NTN1: variants seen among roughly 807,000 people sequenced by gnomAD.
The protein encoded by NTN1 is netrin 1, also known as netrin-1.
NTN1 carries 11 observed loss-of-function variants against 54.2 expected under a neutral mutation model. The ratio of observed to expected loss-of-function variants is 0.20; its 90% CI spans 0.13 to 0.34. The LOEUF (loss-of-function observed/expected upper bound fraction) is 0.34, where lower values mean the gene tolerates loss of function less well. Ranked by LOEUF, NTN1 falls within the 10% of genes least tolerant of loss-of-function variation. The probability of loss-of-function intolerance (pLI) is 1.00; values close to 1 mark genes in which losing one functional copy is unlikely to be tolerated. For synonymous variants in NTN1, 371 were observed against 382.0 expected, an observed-to-expected ratio of 0.97 and a Z score of 0.33; for missense variants, 740 against 893.1, an observed-to-expected ratio of 0.83 and a Z score of 2.18.
chr17:9,181,251 C>T (rs939715933), intron 4 of NTN1, among the ~76,000 whole-genome samples: 1 of 152,134 alleles, frequency 6.6e-6, no homozygotes, highest in African/African-American at 2.4e-5. Context: ...CTTGCTCTTC[C>T]CGAGGGAAGA....
At chr17:9,088,755 G>A (rs1453821782) in intron 2 of NTN1, among the ~76,000 whole-genome samples, 3 of 152,090 alleles carry the variant, frequency 2.0e-5, no homozygotes, top group Non-Finnish European at 2.9e-5. Flanking sequence ...AACCATTTCC[G>A]AGCTGGCTGG....
At chr17:9,080,467 G>T (rs140390074) in intron 2 of NTN1, among the ~76,000 whole-genome samples, 306 of 152,332 alleles carry the variant, frequency 2.0e-3, no homozygotes, top group Non-Finnish European at 2.7e-3. Flanking sequence ...CTCTAACTTA[G>T]AACATTTGAA....
At chr17:9,160,014 C>T (rs1192600955) in intron 2 of NTN1, among the ~76,000 whole-genome samples, 2 of 152,146 alleles carry the variant, frequency 1.3e-5, no homozygotes, top group Non-Finnish European at 2.9e-5. Flanking sequence ...TATAGGTGCC[C>T]AACCCTGGGA....
chr17:9,117,761 A>C (rs959574696), intron 2 of NTN1, among the ~76,000 whole-genome samples: 8 of 117,372 alleles, frequency 6.8e-5, no homozygotes, highest in African/African-American at 1.9e-4. Context: ...AAACAAACAA[A>C]CAAAAAAACC....
intron 2 of NTN1, among the ~76,000 whole-genome samples, chr17:9,031,966 C>CA (rs1377007360): frequency 6.2e-5 from 9 of 145,022 alleles, no homozygotes; most frequent in African/African-American, 1.8e-4. Flanking sequence ...CAAAAACAAA[C>CA]AAAAAAAGAA....
chr17:9,186,448 C>T (rs1423117245), intron 5 of NTN1, among the ~76,000 whole-genome samples: 2 of 152,250 alleles, frequency 1.3e-5, no homozygotes, highest in Non-Finnish European at 2.9e-5. Flanking sequence ...ATGGAGCCAG[C>T]CAACTTCTGG....
intron 2 of NTN1, among the ~76,000 whole-genome samples, chr17:9,160,141 T>G (rs987196807): frequency 6.6e-6 from 1 of 152,204 alleles, no homozygotes; most frequent in African/African-American, 2.4e-5. Context: ...AGATAGGGTC[T>G]CGCTCTGTGG....
At chr17:9,078,486 A>G (rs2092059237) in intron 2 of NTN1, among the ~76,000 whole-genome samples, 2 of 152,236 alleles carry the variant, frequency 1.3e-5, no homozygotes, top group South Asian at 4.1e-4. Context: ...CTGCATTTTA[A>G]AGATGAGTAC....
intron 2 of NTN1, among the ~76,000 whole-genome samples, chr17:9,032,329 G>A (rs556876050): frequency 6.6e-6 from 1 of 152,366 alleles, no homozygotes; most frequent in Non-Finnish European, 1.5e-5. Flanking sequence ...GTCCCCCAAG[G>A]AATGTCCGCC....
chr17:9,182,076 C>G (rs1302026325), intron 4 of NTN1, among the ~76,000 whole-genome samples: 3 of 152,212 alleles, frequency 2.0e-5, no homozygotes, highest in Non-Finnish European at 4.4e-5. Flanking sequence ...CTCCTGGGCT[C>G]AAGGAATCCC....
At position 9,215,250 on chromosome 17, in the gene NTN1, T is replaced by TACACACAC. The variant is rs58245153; in HGVS notation, c.1412-5886_1412-5879dup. On this transcript the variant is annotated intron_variant, in intron 5 of 6. Transcript: ENST00000173229. ...TTTTATATATACATAGCTAGATAGA[T>TACACACAC]ACACACACACACACACACACACACA... is the stretch of plus-strand genomic sequence containing the variant. Among the ~76,000 whole-genome samples, 1,065 of 138,290 alleles carry TACACACAC rather than the reference T, an allele frequency of 7.7e-3. 10 individuals are homozygous for TACACACAC. The highest frequency in any genetic ancestry group is 0.03 in the East Asian group (150 of 5,022). The allele number at this position is 138,290 out of a possible 152,430, so 90.7% of individuals were successfully genotyped here.
At chr17:9,215,266 C>A (rs112599166) in intron 5 of NTN1, among the ~76,000 whole-genome samples, 4 of 147,086 alleles carry the variant, frequency 2.7e-5, no homozygotes, top group African/African-American at 7.4e-5. Context: ...CACACACACA[C>A]ACACACACAC....
intron 2 of NTN1, among the ~76,000 whole-genome samples, chr17:9,077,584 C>T (rs1408323695): frequency 3.9e-5 from 6 of 152,168 alleles, no homozygotes; most frequent in Admixed American, 3.9e-4. Context: ...AGAGGACATG[C>T]TTTAAGTGCT....
chr17:9,071,947 C>A (rs1469280122), intron 2 of NTN1, among the ~76,000 whole-genome samples: 4 of 152,200 alleles, frequency 2.6e-5, no homozygotes, highest in African/African-American at 9.7e-5. Flanking sequence ...TTTCACAGCC[C>A]CTGGCAGATG....
chr17:9,221,373 G>C lies in NTN1; in HGVS notation c.1486+131G>C. 1.4e-6 allele frequency: 1 copy of C among 723,566 alleles called. No individual in the cohort carries two copies. The highest frequency in any genetic ancestry group is 2.5e-6 in the Non-Finnish European group (1 of 402,008). The allele number at this position is 723,566 out of a possible 1,614,324, so 44.8% of individuals were successfully genotyped here. On this transcript the variant is annotated intron_variant, in intron 6 of 6. Transcript: ENST00000173229. The surrounding 1 kb of genome is among the most constrained non-coding windows in gnomAD (Gnocchi z 4.5). ...ACCCTGTGACCGATGGGAACTAGCC[G>C]GACGGATCCCACGCCTGGGAATTTC...
chr17:9,057,991 G>A (rs551945598), intron 2 of NTN1, among the ~76,000 whole-genome samples: 4 of 152,272 alleles, frequency 2.6e-5, no homozygotes, highest in South Asian at 4.1e-4. Flanking sequence ...GGATTCTAGC[G>A]ATTCTCCTGC....
intron 2 of NTN1, among the ~76,000 whole-genome samples, chr17:9,025,102 T>G (rs933130440): frequency 3.3e-5 from 5 of 152,248 alleles, no homozygotes; most frequent in Admixed American, 2.0e-4. Context: ...CATCAGGGTC[T>G]AATTGGACAA....
chr17:9,128,739 A>G (rs1384595232), intron 2 of NTN1, among the ~76,000 whole-genome samples: 2 of 152,134 alleles, frequency 1.3e-5, no homozygotes, highest in African/African-American at 4.8e-5. Flanking sequence ...TTCCTCTGGA[A>G]TGCTCCCTCC....
rs1011603911 is a variant in NTN1, at chr17:9,219,175, G to A, written c.1412-1993G>A. Among the ~76,000 whole-genome samples, 1 of 152,164 alleles carries A rather than the reference G, an allele frequency of 6.6e-6. No homozygotes were observed. The highest frequency in any genetic ancestry group is 1.5e-5 in the Non-Finnish European group (1 of 68,020). On this transcript the variant is annotated intron_variant, in intron 5 of 6. Coordinates refer to ENST00000173229, the MANE Select transcript of NTN1 (RefSeq NM_004822.3). The surrounding 1 kb of genome is among the most constrained non-coding windows in gnomAD (Gnocchi z 4.5). ...GTTCCTCACAGGGAAGTGCGGCCGC[G>A]GTGCTGATGGTGCTGATGGCGCCGT...
Sources: allele counts gnomAD v4.1 joint callset (sites outside exome capture counted in the v4.1 genomes callset), GRCh38; gene constraint gnomAD v4.1.1; non-coding constraint Gnocchi (gnomAD v3.1); transcripts MANE v1.5; gene names NCBI Gene and HGNC (gene_info 2026-07-23, HGNC 2026-07-21).